The following CNGA3 variants were observed in gnomAD, a reference collection of about 807,000 sequenced individuals.
CNGA3 encodes the protein cyclic nucleotide gated channel subunit alpha 3, also known as cyclic nucleotide-gated channel alpha-3.
In CNGA3, 42 loss-of-function variants were observed where a neutral mutation model predicts 46.6. The observed-to-expected ratio is 0.90, with a 90% CI of 0.70 to 1.17. The LOEUF (loss-of-function observed/expected upper bound fraction) is 1.17, where lower values mean the gene tolerates loss of function less well. CNGA3 is among the 50% of genes most tolerant of loss of function. The pLI is 0.00. For synonymous variants in CNGA3, 394 were observed against 369.4 expected (o/e 1.07, Z -0.76); for missense variants, 893 against 890.7 (o/e 1.00, Z -0.03).
In CNGA3 at chr2:98,395,795, A is replaced by G. The variant is rs370745871; in HGVS notation, c.674-49A>G. The stretch of plus-strand genomic sequence containing the variant: ...AATATGTTTCTTTGTACTATGGTCA[A>G]AAAAAGTCAGCCTCTGTGATGCCCA... On this transcript the variant is annotated intron_variant, in intron 7 of 7. Coordinates refer to ENST00000272602, the MANE Select transcript of CNGA3 (RefSeq NM_001298.3). The G allele has an allele frequency of 9.0e-5, 140 of 1,557,000 alleles. No individual in the cohort carries two copies. In the African/African-American group the frequency reaches 1.5e-3, roughly 17 times the overall value.
intron 7 of CNGA3, 123 bp from the exon 8 acceptor site, chr2:98,395,721 T>G (rs1692895316): frequency 2.6e-6 from 2 of 770,780 alleles, no homozygotes; most frequent in African/African-American, 3.5e-5. Flanking sequence ...GTTTTTGAAA[T>G]CATTTCTATT....
intron 1 of CNGA3, among the ~76,000 whole-genome samples, chr2:98,367,963 A>G (rs1378949955): frequency 6.6e-6 from 1 of 152,198 alleles, no homozygotes; most frequent in Non-Finnish European, 1.5e-5. Flanking sequence ...CAACCTGCAA[A>G]GCCTGTTGTA....
chr2:98,378,330 G>T (rs1692460334), intron 3 of CNGA3: 2 of 1,131,866 alleles, frequency 1.8e-6, no homozygotes, highest in Admixed American at 3.0e-5. Context: ...CCATCCTGAG[G>T]AAGTCATTTC....
chr2:98,377,528 T>A (rs774107057), intron 2 of CNGA3, among the ~76,000 whole-genome samples, 159 bp from the exon 3 acceptor site: 6 of 152,208 alleles, frequency 3.9e-5, no homozygotes, highest in Non-Finnish European at 8.8e-5. Context: ...CCAGAATCTA[T>A]CTGCAGGAGG....
intron 2 of CNGA3, among the ~76,000 whole-genome samples, chr2:98,371,909 A>G (rs1574371291): frequency 6.6e-6 from 1 of 152,248 alleles, no homozygotes; most frequent in East Asian, 1.9e-4. Context: ...CCTGGGCCCA[A>G]GACCTTGGGA....
At chr2:98,348,420 C>T (rs1364573073) in intron 1 of CNGA3, among the ~76,000 whole-genome samples, 2 of 152,212 alleles carry the variant, frequency 1.3e-5, no homozygotes, top group East Asian at 3.9e-4. Flanking sequence ...CCATGGCGAC[C>T]AGTCTCCAGT....
At chr2:98,357,812 C>T (rs1188288460) in intron 1 of CNGA3, among the ~76,000 whole-genome samples, 1 of 152,252 alleles carries the variant, frequency 6.6e-6, no homozygotes, top group Non-Finnish European at 1.5e-5. Flanking sequence ...GGATCCACTT[C>T]AAGGTCACCT....
chr2:98,372,424 G>C (rs1350332786), intron 2 of CNGA3, among the ~76,000 whole-genome samples: 1 of 152,160 alleles, frequency 6.6e-6, no homozygotes, highest in Non-Finnish European at 1.5e-5. Context: ...TCAGCCACAT[G>C]GTCAGGGGCT....
intron 1 of CNGA3, among the ~76,000 whole-genome samples, chr2:98,364,181 T>C (rs539513437): frequency 4.6e-5 from 7 of 152,182 alleles, no homozygotes; most frequent in African/African-American, 1.7e-4. Flanking sequence ...AGTTCAAGAC[T>C]AGCCTGGCCA....
In CNGA3 at chr2:98,369,939, C is replaced by A; in HGVS notation, c.-37C>A. 6.5e-7 allele frequency: 1 copy of A among 1,545,820 alleles called. No homozygotes were observed. Among genetic ancestry groups the A allele is most frequent in the Non-Finnish European group, 8.9e-7 (1 of 1,120,442 alleles). On this transcript the variant is annotated splice_region_variant and 5_prime_UTR_variant, in exon 2 of 8. Transcript: ENST00000272602. ...TGTCTGCTTTGTGTTCACATTTTAG[C>A]AATCATCTGGGGGGCTAAATGTGAC...
At chr2:98,376,366 T>C (rs76907263) in intron 2 of CNGA3, among the ~76,000 whole-genome samples, 2,177 of 152,126 alleles carry the variant, frequency 0.014, 48 homozygotes, top group African/African-American at 0.049. Flanking sequence ...CTGGGGGTTC[T>C]GGCCTGGAAA....
chr2:98,346,632 C>T, intron 1 of CNGA3, 98 bp downstream of exon 1: 1 of 394,992 alleles, frequency 2.5e-6, no homozygotes, highest in Non-Finnish European at 4.5e-6. Context: ...GTTAGAGAAC[C>T]ACACGCAGGG....
At position 98,361,050 on chromosome 2, in the gene CNGA3, G is replaced by T. The variant is rs149768161; in HGVS notation, c.-37-8889G>T. Among the ~76,000 whole-genome samples the T allele has an allele frequency of 7.6e-3, 1,150 of 151,108 alleles. 11 individuals carry two copies. Among genetic ancestry groups the T allele is most frequent in the African/African-American group, 0.026 (1,086 of 41,086 alleles). On this transcript the variant is annotated intron_variant, in intron 1 of 7. Coordinates refer to ENST00000272602, the MANE Select transcript of CNGA3 (RefSeq NM_001298.3). ...ATTTTATTTTATTTTTAGTTCTGGG[G>T]TACATGCGCAGGACGTGCAGGTTTG...
At chr2:98,364,417 T>G (rs1692101758) in intron 1 of CNGA3, among the ~76,000 whole-genome samples, 1 of 151,878 alleles carries the variant, frequency 6.6e-6, no homozygotes, top group African/African-American at 2.4e-5. Context: ...GTCTGTTTTG[T>G]CAGATACTAG....
chr2:98,367,255 C>G (rs1170512162), intron 1 of CNGA3, among the ~76,000 whole-genome samples: 1 of 145,834 alleles, frequency 6.9e-6, no homozygotes, highest in Non-Finnish European at 1.5e-5. Flanking sequence ...AGTGCAGTGG[C>G]GCGATCTCGG....
intron 1 of CNGA3, among the ~76,000 whole-genome samples, chr2:98,361,529 C>A (rs970035325): frequency 1.3e-5 from 2 of 151,806 alleles, no homozygotes; most frequent in South Asian, 2.1e-4. Flanking sequence ...AATTTATATT[C>A]TTTTGGGTAT....
chr2:98,369,488 CT>C (rs372248890), intron 1 of CNGA3, among the ~76,000 whole-genome samples: 1 of 152,102 alleles, frequency 6.6e-6, no homozygotes, highest in Non-Finnish European at 1.5e-5. Context: ...ACATATGGTC[CT>C]TTTTTTACAT....
intron 1 of CNGA3, among the ~76,000 whole-genome samples, chr2:98,346,826 G>A (rs944952585): frequency 6.6e-6 from 1 of 152,098 alleles, no homozygotes; most frequent in Non-Finnish European, 1.5e-5. Context: ...TCCCCAAGCC[G>A]ATCGCACCCC....
intron 7 of CNGA3, among the ~76,000 whole-genome samples, chr2:98,395,067 AG>A: frequency 6.6e-6 from 1 of 152,270 alleles, no homozygotes; most frequent in Middle Eastern, 3.4e-3. Context: ...CTTTGGAAAA[AG>A]CACAGGCCAC....
Sources: gnomAD v4.1 joint callset for allele counts (sites outside exome capture counted in the v4.1 genomes callset) on GRCh38, gnomAD v4.1.1 for gene constraint, MANE v1.5 for transcripts, NCBI Gene and HGNC (gene_info 2026-07-23, HGNC 2026-07-21) for gene names.